MIX23: variants seen among roughly 807,000 people sequenced by gnomAD.
MIX23 encodes protein MIX23.
Under a neutral mutation model 21.6 loss-of-function variants are expected in MIX23, and 13 were observed. The observed-to-expected ratio is 0.60, with a 90% CI of 0.39 to 0.96. The LOEUF is 0.96. Among genes scored for constraint, MIX23 ranks in the 40% least tolerant of loss-of-function variants. The pLI, the probability that MIX23 is intolerant of heterozygous loss-of-function variation, is 0.00. For missense variants in MIX23, 144 were observed against 171.2 expected (o/e 0.84, Z 0.89); for synonymous variants, 59 against 58.0 (o/e 1.02, Z -0.08).
chr3:122,381,504 G>T (rs1386654388), intron 1 of MIX23, among the ~76,000 whole-genome samples: 2 of 152,128 alleles, frequency 1.3e-5, no homozygotes, highest in Non-Finnish European at 2.9e-5. Flanking sequence ...AAGGGGTGCG[G>T]ATCACCTGAG....
chr3:122,369,828 C>T (rs973628018), intron 2 of MIX23, among the ~76,000 whole-genome samples: 2 of 152,216 alleles, frequency 1.3e-5, no homozygotes, highest in South Asian at 4.1e-4. Context: ...TGGCTCACTG[C>T]AACCTCTGCC....
chr3:122,382,957 C>G (rs1176039234), intron 1 of MIX23, among the ~76,000 whole-genome samples: 1 of 152,190 alleles, frequency 6.6e-6, no homozygotes, highest in Non-Finnish European at 1.5e-5. Flanking sequence ...GCCGGAGAGC[C>G]GCGGAGAGAA....
intron 2 of MIX23, 145 bp from the exon 3 acceptor site, chr3:122,368,467 T>C: frequency 1.2e-6 from 1 of 854,990 alleles, no homozygotes. Flanking sequence ...AAGAGAAGAT[T>C]GTGTTGAATC....
intron 2 of MIX23, 90 bp from the exon 3 acceptor site, chr3:122,368,412 A>G: frequency 7.9e-7 from 1 of 1,266,828 alleles, no homozygotes; most frequent in Non-Finnish European, 1.1e-6. Flanking sequence ...GAGACTATAG[A>G]AATTCAATAC....
intron 1 of MIX23, among the ~76,000 whole-genome samples, chr3:122,372,516 C>T (rs1239861658): frequency 6.6e-6 from 1 of 152,036 alleles, no homozygotes; most frequent in East Asian, 1.9e-4. Flanking sequence ...CAAAACACAG[C>T]CACTTAAAAA....
At chr3:122,383,124 C>G in intron 1 of MIX23, 50 bp downstream of exon 1, 1 of 1,609,808 alleles carries the variant, frequency 6.2e-7, no homozygotes, top group Non-Finnish European at 8.5e-7. Context: ...GGAATAGGGT[C>G]TGGGGACAAA....
chr3:122,373,967 G>T (rs951040297), intron 1 of MIX23, among the ~76,000 whole-genome samples: 24 of 151,924 alleles, frequency 1.6e-4, no homozygotes, highest in African/African-American at 5.8e-4. Context: ...CACACATAGT[G>T]AAGGATATAT....
intron 1 of MIX23, chr3:122,373,154 CT>C (rs1162951682): frequency 3.4e-6 from 1 of 292,518 alleles, no homozygotes; most frequent in African/African-American, 2.2e-5. Context: ...TCCCTTTGGT[CT>C]TTTTTCTACA....
At chr3:122,361,055 G>A (rs1327935964) in intron 4 of MIX23, among the ~76,000 whole-genome samples, 1 of 152,150 alleles carries the variant, frequency 6.6e-6, no homozygotes, top group African/African-American at 2.4e-5. Flanking sequence ...CTGTTGGTCA[G>A]GCTGGTATCG....
chr3:122,372,224 C>T (rs79919924), intron 1 of MIX23, among the ~76,000 whole-genome samples: 1 of 46,104 alleles, frequency 2.2e-5, no homozygotes, highest in Non-Finnish European at 4.0e-5. Context: ...CTCCAACTCT[C>T]AAAAAAAAAA....
chr3:122,375,120 C>T (rs1576237770), intron 1 of MIX23, among the ~76,000 whole-genome samples: 2 of 151,848 alleles, frequency 1.3e-5, no homozygotes, highest in Admixed American at 1.3e-4. Flanking sequence ...GGCAACACAG[C>T]GAGACTCTGT....
intron 1 of MIX23, among the ~76,000 whole-genome samples, chr3:122,373,897 G>A (rs2075462471): frequency 6.6e-6 from 1 of 151,680 alleles, no homozygotes; most frequent in East Asian, 1.9e-4. Context: ...TTTTTTAATA[G>A]TATTCTCTGT....
intron 3 of MIX23, among the ~76,000 whole-genome samples, chr3:122,367,226 C>A (rs1401525276): frequency 6.6e-6 from 1 of 151,872 alleles, no homozygotes. Context: ...AACATATAAA[C>A]AATAAGTGAA....
At chr3:122,383,105 G>T in intron 1 of MIX23, 69 bp downstream of exon 1, 3 of 1,558,316 alleles carry the variant, frequency 1.9e-6, no homozygotes, top group Non-Finnish European at 2.7e-6. Flanking sequence ...ATACTCCCTC[G>T]CAAAGCAGGG....
At chr3:122,383,060 A>G in intron 1 of MIX23, 114 bp downstream of exon 1, 16 of 1,385,336 alleles carry the variant, frequency 1.2e-5, no homozygotes, top group Non-Finnish European at 1.6e-5. Flanking sequence ...TCGAGAAAAG[A>G]GCTTTGAATT....
At chr3:122,375,886 C>A (rs1219479126) in intron 1 of MIX23, among the ~76,000 whole-genome samples, 1 of 152,194 alleles carries the variant, frequency 6.6e-6, no homozygotes. Context: ...AAAAAACACA[C>A]CTAGAGGATG....
intron 4 of MIX23, among the ~76,000 whole-genome samples, chr3:122,362,295 A>C (rs747265835): frequency 6.6e-6 from 1 of 152,334 alleles, no homozygotes; most frequent in Middle Eastern, 3.4e-3. Flanking sequence ...AAACTTACGG[A>C]AAGTAACTGA....
intron 3 of MIX23, chr3:122,365,570 G>A (rs1241271552): frequency 1.3e-5 from 2 of 152,174 alleles, no homozygotes; most frequent in East Asian, 3.8e-4. Flanking sequence ...CAAACCTCAT[G>A]CAACTCACTG....
intron 3 of MIX23, 93 bp from the exon 4 acceptor site, chr3:122,363,120 G>T: frequency 9.6e-7 from 1 of 1,046,916 alleles, no homozygotes; most frequent in Non-Finnish European, 1.4e-6. Context: ...CCACACTCAT[G>T]TTTACCCAAC....
Sources: allele counts gnomAD v4.1 joint callset (sites outside exome capture counted in the v4.1 genomes callset), GRCh38; gene constraint gnomAD v4.1.1; transcripts MANE v1.5; gene names NCBI Gene and HGNC (gene_info 2026-07-23, HGNC 2026-07-21).